Variants in DAZL observed in about 807,000 individuals in gnomAD.
DAZL encodes the protein deleted in azoospermia like, also known as deleted in azoospermia-like.
DAZL carries 4 observed loss-of-function variants against 45.0 expected under a neutral mutation model. That is an observed-to-expected ratio of 0.09 (90% confidence interval 0.04 to 0.20). The LOEUF is 0.20. Among genes scored for constraint, DAZL ranks in the 10% least tolerant of loss-of-function variants. The pLI, the probability that DAZL is intolerant of heterozygous loss-of-function variation, is 1.00. For missense variants in DAZL, 326 were observed against 351.3 expected, an observed-to-expected ratio of 0.93 and a Z score of 0.58; for synonymous variants, 122 against 112.4, an observed-to-expected ratio of 1.09 and a Z score of -0.54.
In DAZL at chr3:16,588,550, C is replaced by A. The variant is rs905434083; in HGVS notation, c.*110G>T. On this transcript the variant is annotated 3_prime_UTR_variant, in exon 11 of 11. Coordinates refer to ENST00000399444, the MANE Select transcript of DAZL (RefSeq NM_001351.4). ...AGAGTCTAATAATACAACTTATACA[C>A]AAAGTTTGAGTGTGATTTACCAAAA... 9.5e-6 allele frequency: 8 copies of A among 839,604 alleles called. No homozygotes were observed. The African/African-American group carries it at 1.0e-4, about 11-fold the overall frequency. 52.0% of individuals were successfully genotyped at this position (839,604 alleles called of 1,614,324 possible).
At chr3:16,603,051 T>A (rs57014221) in intron 1 of DAZL, among the ~76,000 whole-genome samples, 1 of 152,210 alleles carries the variant, frequency 6.6e-6, no homozygotes, top group Middle Eastern at 3.4e-3. Flanking sequence ...TTCCAGCTAT[T>A]AGGTTGACAA....
chr3:16,600,236 T>C (rs1168338939), intron 1 of DAZL, among the ~76,000 whole-genome samples: 2 of 152,192 alleles, frequency 1.3e-5, no homozygotes, highest in African/African-American at 4.8e-5. Context: ...GTTATCTTTT[T>C]GAAAAGCACA....
intron 10 of DAZL, among the ~76,000 whole-genome samples, chr3:16,589,761 A>C (rs2125043144): frequency 6.6e-6 from 1 of 152,192 alleles, no homozygotes; most frequent in South Asian, 2.1e-4. Flanking sequence ...GTGAGAACTC[A>C]AGTTTCAAAA....
rs1181675679 is a variant in DAZL, at chr3:16,589,139, T to C, written c.835-426A>G. ...AACAGCTCTCCAATCTGAAATTTCA[T>C]GTTTTTAGGTTAAAAGATGTAAGTT... On this transcript the variant is annotated intron_variant, in intron 10 of 10. Coordinates refer to ENST00000399444, the MANE Select transcript of DAZL (RefSeq NM_001351.4). Among the ~76,000 whole-genome samples the C allele has an allele frequency of 3.3e-5, 5 of 152,180 alleles. No homozygotes were observed. The East Asian group carries it at 7.7e-4, about 23-fold the overall frequency.
intron 1 of DAZL, among the ~76,000 whole-genome samples, chr3:16,599,039 T>G (rs992577212): frequency 6.6e-6 from 1 of 152,178 alleles, no homozygotes; most frequent in Admixed American, 6.5e-5. Flanking sequence ...CGCCTTGGCC[T>G]CCCAAAGTGC....
At chr3:16,592,674 T>C (rs1054614556) in intron 9 of DAZL, among the ~76,000 whole-genome samples, 2 of 152,202 alleles carry the variant, frequency 1.3e-5, no homozygotes, top group African/African-American at 2.4e-5. Context: ...ACCTTAGTGA[T>C]AGAATACTGG....
chr3:16,589,804 T>TC (rs989214424), intron 10 of DAZL, among the ~76,000 whole-genome samples: 21 of 151,946 alleles, frequency 1.4e-4, no homozygotes, highest in African/African-American at 5.1e-4. Context: ...GGCTCACGCC[T>TC]GTAATCCCAG....
At chr3:16,591,432 TA>T (rs1487085027) in intron 10 of DAZL, among the ~76,000 whole-genome samples, 1 of 130,836 alleles carries the variant, frequency 7.6e-6, no homozygotes, top group Non-Finnish European at 1.6e-5. Context: ...AATATGCATG[TA>T]TTTTTTTTTT....
chr3:16,588,808 G>C lies in DAZL; in HGVS notation c.835-95C>G, dbSNP rs560019534. ...GTCAAAAACTTAAACCATTTGTTTT[G>C]GGTTTAAACATTATAAATAATGAGA... On this transcript the variant is annotated intron_variant, in intron 10 of 10. Coordinates refer to ENST00000399444, the MANE Select transcript of DAZL (RefSeq NM_001351.4). The C allele has an allele frequency of 1.0e-5, 10 of 966,412 alleles. No homozygotes were observed. In the African/African-American group the frequency reaches 1.6e-4, roughly 16 times the overall value. 59.9% of individuals were successfully genotyped at this position (966,412 alleles called of 1,614,324 possible).
At chr3:16,600,488 A>G (rs1160507176) in intron 1 of DAZL, among the ~76,000 whole-genome samples, 1 of 152,172 alleles carries the variant, frequency 6.6e-6, no homozygotes, top group Non-Finnish European at 1.5e-5. Flanking sequence ...GAAAAATTTA[A>G]AAACTATTTC....
chr3:16,594,359 C>G (rs13067997), intron 8 of DAZL, among the ~76,000 whole-genome samples, 174 bp downstream of exon 8: 40,158 of 151,846 alleles, frequency 0.26, 5,481 homozygotes, highest in Non-Finnish European at 0.3. Flanking sequence ...ACTGTTGCTC[C>G]CATGGGAGTT....
rs1230255912 is a variant in DAZL at position 16,588,541 on chromosome 3, A to G, written c.*119T>C. On this transcript the variant is annotated 3_prime_UTR_variant, in exon 11 of 11. Coordinates refer to ENST00000399444, the MANE Select transcript of DAZL (RefSeq NM_001351.4). The stretch of plus-strand genomic sequence containing the variant: ...TAAAACTAGAGAGTCTAATAATACA[A>G]CTTATACACAAAGTTTGAGTGTGAT... The G allele has an allele frequency of 1.0e-5, 8 of 797,644 alleles. No individual in the cohort carries two copies. The highest frequency in any genetic ancestry group is 1.6e-5 in the Non-Finnish European group (7 of 444,298). The allele number at this position is 797,644 out of a possible 1,614,324, so 49.4% of individuals were successfully genotyped here.
chr3:16,604,927 C>CCGTGGCCCTTGCA (rs1445520868), intron 1 of DAZL: 2 of 679,504 alleles, frequency 2.9e-6, no homozygotes, highest in Non-Finnish European at 4.9e-6. Context: ...CTCAAGAAGG[C>CCGTGGCCCTTGCA]CGTGGCCCTT....
At chr3:16,595,776 G>C (rs544691134) in intron 6 of DAZL, among the ~76,000 whole-genome samples, 1 of 152,070 alleles carries the variant, frequency 6.6e-6, no homozygotes, top group East Asian at 1.9e-4. Flanking sequence ...TTTTGTGTTT[G>C]ACAATATTAT....
intron 4 of DAZL, 97 bp from the exon 5 acceptor site, chr3:16,597,148 A>G: frequency 7.3e-7 from 1 of 1,361,550 alleles, no homozygotes; most frequent in Non-Finnish European, 1.0e-6. Flanking sequence ...TCCTATTATC[A>G]TAGAAGATCA....
At chr3:16,597,690 A>T in intron 3 of DAZL, 149 bp from the exon 4 acceptor site, 1 of 645,586 alleles carries the variant, frequency 1.5e-6, no homozygotes, top group Non-Finnish European at 2.8e-6. Context: ...CTCTACAAAT[A>T]CTGCTTTTTC....
At chr3:16,599,436 T>C (rs761821250) in intron 1 of DAZL, among the ~76,000 whole-genome samples, 3 of 152,230 alleles carry the variant, frequency 2.0e-5, no homozygotes, top group South Asian at 2.1e-4. Flanking sequence ...TGTGTTAGTA[T>C]GCCTGCTTTA....
rs1559400175 is a variant in DAZL, at chr3:16,588,278, G to A, written c.*382C>T. Reference sequence around the variant, plus strand: ...AATACTGTACTGTTCACAGGTACTTGTTGGAGAAGTGAAATGTTTGTATTC... The same window carrying A: ...AATACTGTACTGTTCACAGGTACTTATTGGAGAAGTGAAATGTTTGTATTC... On this transcript the variant is annotated 3_prime_UTR_variant, in exon 11 of 11. Transcript: ENST00000399444. 1 of 286,338 alleles carries A rather than the reference G, an allele frequency of 3.5e-6. No homozygotes were observed. The highest frequency in any genetic ancestry group is 2.2e-5 in the African/African-American group (1 of 45,528). The allele number at this position is 286,338 out of a possible 1,614,324, so 17.7% of individuals were successfully genotyped here.
chr3:16,595,069 A>G (rs1313458912), intron 7 of DAZL, among the ~76,000 whole-genome samples: 1 of 152,126 alleles, frequency 6.6e-6, no homozygotes, highest in East Asian at 1.9e-4. Flanking sequence ...GCTGAAATAC[A>G]GAAGGGGACA....
Sources: allele counts gnomAD v4.1 joint callset (sites outside exome capture counted in the v4.1 genomes callset), GRCh38; gene constraint gnomAD v4.1.1; transcripts MANE v1.5; gene names NCBI Gene and HGNC (gene_info 2026-07-23, HGNC 2026-07-21).